The following SLCO3A1 variants were observed in gnomAD, a reference collection of about 807,000 sequenced individuals.
SLCO3A1 encodes the protein PGE1 transporter.
SLCO3A1 carries 27 observed loss-of-function variants against 63.1 expected under a neutral mutation model. The observed-to-expected ratio is 0.43, with a 90% CI of 0.32 to 0.59. The LOEUF (loss-of-function observed/expected upper bound fraction) is 0.59. Ranked by LOEUF, SLCO3A1 falls within the 20% of genes least tolerant of loss-of-function variation. The pLI, the probability that SLCO3A1 is intolerant of heterozygous loss-of-function variation, is 0.09. For synonymous variants in SLCO3A1, 473 were observed against 409.9 expected (o/e 1.15, Z -1.86); for missense variants, 773 against 945.8 (o/e 0.82, Z 2.40).
At chr15:92,108,089 G>A (rs1026945811) in intron 4 of SLCO3A1, among the ~76,000 whole-genome samples, 1 of 152,310 alleles carries the variant, frequency 6.6e-6, no homozygotes, top group East Asian at 1.9e-4. Context: ...CCATCAATTG[G>A]GTTTTACAAC....
Position 91,853,852 on chromosome 15 carries a change from A to T in SLCO3A1, c.-57A>T, listed in dbSNP as rs1401375920. 1 of 1,214,348 alleles carries T rather than the reference A, an allele frequency of 8.2e-7. No individual in the cohort carries two copies. Among genetic ancestry groups the T allele is most frequent in the East Asian group, 3.7e-5 (1 of 27,218 alleles). 75.2% of individuals were successfully genotyped at this position (1,214,348 alleles called of 1,614,324 possible). ...ACCCCCGCCCGGCAGCGGCCCCGAC[A>T]CCCGGGGCGAGCGGGAAAGCGGCAG... On this transcript the variant is annotated 5_prime_UTR_variant, in exon 1 of 10. Coordinates refer to ENST00000318445, the MANE Select transcript of SLCO3A1 (RefSeq NM_013272.4).
intron 2 of SLCO3A1, among the ~76,000 whole-genome samples, chr15:92,076,972 T>C (rs1326890978): frequency 1.3e-5 from 2 of 152,242 alleles, no homozygotes; most frequent in Non-Finnish European, 2.9e-5. Context: ...TCACTCACAG[T>C]TCAGGATGGC....
intron 2 of SLCO3A1, among the ~76,000 whole-genome samples, chr15:92,014,329 G>A (rs2046401567): frequency 6.6e-6 from 1 of 152,152 alleles, no homozygotes; most frequent in Admixed American, 6.5e-5. Flanking sequence ...GTGAAGCGTG[G>A]GTGGCAGAGA....
intron 2 of SLCO3A1, among the ~76,000 whole-genome samples, chr15:91,935,110 C>T (rs535895185): frequency 4.6e-5 from 7 of 152,240 alleles, no homozygotes; most frequent in South Asian, 2.1e-4. Flanking sequence ...TGTGCCACCA[C>T]GCCTGGCTAA....
intron 1 of SLCO3A1, among the ~76,000 whole-genome samples, chr15:91,867,689 T>A (rs1256442748): frequency 6.6e-6 from 1 of 152,152 alleles, no homozygotes; most frequent in African/African-American, 2.4e-5. Context: ...TCCCCTCCTG[T>A]TCTCCTTGGG....
At chr15:91,946,473 A>G (rs143968242) in intron 2 of SLCO3A1, among the ~76,000 whole-genome samples, 1 of 152,270 alleles carries the variant, frequency 6.6e-6, no homozygotes, top group East Asian at 1.9e-4. Context: ...CAAACAGGAG[A>G]GATTTGAAAG....
chr15:92,092,516 G>T (rs2047489527), intron 2 of SLCO3A1, among the ~76,000 whole-genome samples: 1 of 152,064 alleles, frequency 6.6e-6, no homozygotes, highest in African/African-American at 2.4e-5. Context: ...CGTCTCTAGA[G>T]TGCCAGTAAC....
intron 1 of SLCO3A1, among the ~76,000 whole-genome samples, chr15:91,909,705 C>T (rs1286778686): frequency 1.3e-5 from 2 of 152,206 alleles, no homozygotes. Context: ...CTCCCAGCCT[C>T]ATAGAGCATC....
intron 1 of SLCO3A1, among the ~76,000 whole-genome samples, chr15:91,864,490 C>CTTTTTT (rs56982912): frequency 7.5e-6 from 1 of 133,728 alleles, no homozygotes; most frequent in Admixed American, 7.5e-5. Flanking sequence ...AAATGTTCCT[C>CTTTTTT]TTTTTTTTTT....
intron 2 of SLCO3A1, among the ~76,000 whole-genome samples, chr15:92,072,711 G>A (rs2047231149): frequency 1.3e-5 from 2 of 152,088 alleles, no homozygotes; most frequent in Admixed American, 1.3e-4. Flanking sequence ...GTCTGTGACT[G>A]TGTAACTCAT....
intron 2 of SLCO3A1, among the ~76,000 whole-genome samples, chr15:92,018,088 C>T (rs996104463): frequency 6.6e-6 from 1 of 152,170 alleles, no homozygotes; most frequent in Non-Finnish European, 1.5e-5. Context: ...TGGGCTGTGG[C>T]TGATGCGTAC....
At chr15:91,983,261 C>T (rs1200118227) in intron 2 of SLCO3A1, among the ~76,000 whole-genome samples, 1 of 152,216 alleles carries the variant, frequency 6.6e-6, no homozygotes, top group Non-Finnish European at 1.5e-5. Context: ...TTTATAAAGG[C>T]TGTTCCAATT....
At chr15:92,020,286 A>G (rs980727472) in intron 2 of SLCO3A1, among the ~76,000 whole-genome samples, 4 of 152,072 alleles carry the variant, frequency 2.6e-5, no homozygotes, top group African/African-American at 9.7e-5. Flanking sequence ...CCATCCATCC[A>G]TCCATCTATA....
intron 2 of SLCO3A1, among the ~76,000 whole-genome samples, chr15:92,001,957 A>G (rs2046260459): frequency 6.7e-6 from 1 of 149,662 alleles, no homozygotes; most frequent in South Asian, 2.1e-4. Flanking sequence ...CTAGAGAGAT[A>G]CCTGCTCAAT....
intron 2 of SLCO3A1, among the ~76,000 whole-genome samples, chr15:92,029,106 G>A (rs767202449): frequency 6.6e-5 from 10 of 151,980 alleles, no homozygotes. Context: ...AAAGAGAGGC[G>A]GTAAATGGAA....
At chr15:92,095,433 A>T (rs763206796) in intron 3 of SLCO3A1, among the ~76,000 whole-genome samples, 1 of 152,258 alleles carries the variant, frequency 6.6e-6, no homozygotes, top group East Asian at 1.9e-4. Flanking sequence ...AACGGGGTCA[A>T]TGAGACAGAA....
chr15:92,039,460 A>T (rs1202658000), intron 2 of SLCO3A1, among the ~76,000 whole-genome samples: 1 of 152,264 alleles, frequency 6.6e-6, no homozygotes, highest in Non-Finnish European at 1.5e-5. Flanking sequence ...TATCAAACAT[A>T]GGAAGAAAAG....
At position 91,985,703 on chromosome 15, in the gene SLCO3A1, G is replaced by T. The variant is rs560059433; in HGVS notation, c.646+69245G>T. On this transcript the variant is annotated intron_variant, in intron 2 of 9. Coordinates refer to ENST00000318445, the MANE Select transcript of SLCO3A1 (RefSeq NM_013272.4). ...TCCCTCAGGCCCTGTGTCACAGAGG[G>T]CCCTGCACTAGTGCTCCTCAGGAGT... Among the ~76,000 whole-genome samples the T allele has an allele frequency of 5.3e-5, 8 of 152,320 alleles. No homozygotes were observed. In the South Asian group the frequency reaches 1.7e-3, roughly 32 times the overall value.
intron 7 of SLCO3A1, among the ~76,000 whole-genome samples, chr15:92,136,116 A>G (rs1009996802): frequency 6.6e-6 from 1 of 152,222 alleles, no homozygotes; most frequent in Non-Finnish European, 1.5e-5. Context: ...TCTCTGAAAA[A>G]AGGAAAGAGA....
Sources: gnomAD v4.1 joint callset for allele counts (sites outside exome capture counted in the v4.1 genomes callset) on GRCh38, gnomAD v4.1.1 for gene constraint, MANE v1.5 for transcripts, NCBI Gene and HGNC (gene_info 2026-07-23, HGNC 2026-07-21) for gene names.